The following TMEM267 variants were observed in gnomAD, a reference collection of about 807,000 sequenced individuals.
TMEM267 encodes transmembrane protein 267, also known as transmembrane protein C5orf28.
A neutral mutation model predicts 19.3 loss-of-function variants in TMEM267; 20 were observed. The ratio of observed to expected loss-of-function variants is 1.04; its 90% CI spans 0.73 to 1.51. The LOEUF is 1.51. Ranked by LOEUF, TMEM267 falls within the 40% of genes most tolerant of loss-of-function variation. The probability of loss-of-function intolerance (pLI) is 0.00; values close to 1 mark genes in which losing one functional copy is unlikely to be tolerated. For synonymous variants in TMEM267, 88 were observed against 90.3 expected (o/e 0.97, Z 0.15); for missense variants, 242 against 261.9 (o/e 0.92, Z 0.52).
chr5:43,446,738 G>C (rs1193761731), intron 2 of TMEM267, among the ~76,000 whole-genome samples, 181 bp from the exon 3 acceptor site: 1 of 152,030 alleles, frequency 6.6e-6, no homozygotes, highest in Non-Finnish European at 1.5e-5. Flanking sequence ...ATAAAAGTGT[G>C]AGCAGGATAT....
chr5:43,457,647 C>T (rs1424295592), intron 1 of TMEM267, among the ~76,000 whole-genome samples: 2 of 152,178 alleles, frequency 1.3e-5, no homozygotes, highest in African/African-American at 4.8e-5. Context: ...CACCAGGCTC[C>T]TCCTCCAACA....
intron 1 of TMEM267, among the ~76,000 whole-genome samples, chr5:43,458,654 C>T (rs180833114): frequency 1.7e-3 from 260 of 152,170 alleles, no homozygotes; most frequent in African/African-American, 6.0e-3. Flanking sequence ...ATATTTTAAA[C>T]ATATACAGTT....
chr5:43,464,134 A>C (rs1441176195), intron 1 of TMEM267, among the ~76,000 whole-genome samples: 2 of 152,180 alleles, frequency 1.3e-5, no homozygotes, highest in African/African-American at 4.8e-5. Flanking sequence ...AATGTACAAA[A>C]ATCACAAGCA....
chr5:43,459,502 C>T (rs36076336), intron 1 of TMEM267, among the ~76,000 whole-genome samples: 1 of 151,666 alleles, frequency 6.6e-6, no homozygotes, highest in Non-Finnish European at 1.5e-5. Flanking sequence ...AAAGTCTTCA[C>T]AATATAGAAA....
At chr5:43,453,230 A>G (rs1174111513) in intron 2 of TMEM267, among the ~76,000 whole-genome samples, 1 of 152,200 alleles carries the variant, frequency 6.6e-6, no homozygotes, top group Non-Finnish European at 1.5e-5. Context: ...AGTACTTAGG[A>G]GCTGCATACT....
chr5:43,465,987 AAAAG>A (rs773286229), intron 1 of TMEM267, among the ~76,000 whole-genome samples: 7 of 152,024 alleles, frequency 4.6e-5, no homozygotes, highest in Non-Finnish European at 1.0e-4. Context: ...AAAAGAAAAA[AAAAG>A]AAAGGAGTAT....
intron 1 of TMEM267, among the ~76,000 whole-genome samples, chr5:43,472,935 C>G (rs567117251): frequency 6.6e-6 from 1 of 151,964 alleles, no homozygotes; most frequent in Non-Finnish European, 1.5e-5. Flanking sequence ...GTCAGGAGTT[C>G]AAGACCAGCC....
chr5:43,456,062 C>G (rs553671092), intron 1 of TMEM267, among the ~76,000 whole-genome samples: 4 of 151,782 alleles, frequency 2.6e-5, no homozygotes, highest in African/African-American at 9.7e-5. Context: ...TAGCTGGTCT[C>G]GAACTCCTGG....
chr5:43,459,177 C>T (rs1481023661), intron 1 of TMEM267, among the ~76,000 whole-genome samples: 2 of 151,988 alleles, frequency 1.3e-5, no homozygotes, highest in South Asian at 2.1e-4. Flanking sequence ...AAAAGTTTTG[C>T]CTTAGAAATT....
chr5:43,454,888 T>C lies in TMEM267; in HGVS notation c.-74-845A>G, dbSNP rs148577904. ...TGACATTATTTACCTAGCTAGAAAATATTTGTCTACCTAAAGTGTGACACA... is the reference window on the plus strand; with the variant it reads ...TGACATTATTTACCTAGCTAGAAAACATTTGTCTACCTAAAGTGTGACACA... On this transcript the variant is annotated intron_variant, in intron 1 of 2. Transcript: ENST00000397080. 1.4e-3 allele frequency among the ~76,000 whole-genome samples: 219 copies of C among 152,322 alleles called. 3 individuals carry two copies. The highest frequency in any genetic ancestry group is 4.8e-3 in the African/African-American group (201 of 41,574).
intron 1 of TMEM267, among the ~76,000 whole-genome samples, chr5:43,468,799 T>C (rs1743904218): frequency 6.6e-6 from 1 of 152,226 alleles, no homozygotes; most frequent in African/African-American, 2.4e-5. Context: ...CCTCAGCACA[T>C]GGATATTCTC....
intron 1 of TMEM267, among the ~76,000 whole-genome samples, chr5:43,466,800 C>T (rs1036100622): frequency 2.0e-5 from 3 of 151,764 alleles, no homozygotes; most frequent in African/African-American, 7.3e-5. Context: ...AAGCAAGAAA[C>T]TAAATCACAT....
At chr5:43,468,818 A>T (rs967609604) in intron 1 of TMEM267, among the ~76,000 whole-genome samples, 1 of 152,214 alleles carries the variant, frequency 6.6e-6, no homozygotes, top group Non-Finnish European at 1.5e-5. Flanking sequence ...TCAGGGATAG[A>T]CTATACAAAA....
chr5:43,473,509 G>T (rs1182556518), intron 1 of TMEM267, among the ~76,000 whole-genome samples: 1 of 152,106 alleles, frequency 6.6e-6, no homozygotes, highest in Admixed American at 6.5e-5. Context: ...ATTCACAATT[G>T]CTACAAGGAG....
At chr5:43,454,207 GA>G (rs1742796422) in intron 1 of TMEM267, among the ~76,000 whole-genome samples, 164 bp from the exon 2 acceptor site, 1 of 118,060 alleles carries the variant, frequency 8.5e-6, no homozygotes, top group Non-Finnish European at 1.7e-5. Context: ...AAGGAGAATA[GA>G]TTTTTTTTTT....
intron 1 of TMEM267, among the ~76,000 whole-genome samples, chr5:43,470,749 G>T (rs1047859813): frequency 6.6e-6 from 1 of 152,114 alleles, no homozygotes; most frequent in African/African-American, 2.4e-5. Flanking sequence ...AGAGCAATCA[G>T]ATAAGAGAAA....
At chr5:43,479,805 A>C in intron 1 of TMEM267, 1 of 397,848 alleles carries the variant, frequency 2.5e-6, no homozygotes, top group Non-Finnish European at 4.8e-6. Context: ...TATTTTCTAT[A>C]GATTCTTCCA....
chr5:43,471,537 A>G (rs1326225009), intron 1 of TMEM267, among the ~76,000 whole-genome samples: 1 of 152,194 alleles, frequency 6.6e-6, no homozygotes, highest in Non-Finnish European at 1.5e-5. Flanking sequence ...ACCTGATTTC[A>G]AATTATACTA....
chr5:43,478,305 T>C (rs560759229), intron 1 of TMEM267, among the ~76,000 whole-genome samples: 4 of 152,214 alleles, frequency 2.6e-5, no homozygotes, highest in African/African-American at 4.8e-5. Context: ...TATAGACTCT[T>C]TCTCTGATTA....
Sources: allele counts gnomAD v4.1 joint callset (sites outside exome capture counted in the v4.1 genomes callset), GRCh38; gene constraint gnomAD v4.1.1; transcripts MANE v1.5; gene names NCBI Gene and HGNC (gene_info 2026-07-23, HGNC 2026-07-21).